ARHGAP10: variants seen among roughly 807,000 people sequenced by gnomAD.
ARHGAP10 encodes the protein rho GTPase-activating protein 10.
In ARHGAP10, 87 loss-of-function variants were observed where a neutral mutation model predicts 108.6. The observed-to-expected ratio is 0.80, with a 90% CI of 0.67 to 0.96. The LOEUF is 0.96. Ranked by LOEUF, ARHGAP10 falls within the 40% of genes least tolerant of loss-of-function variation. The probability of loss-of-function intolerance (pLI) is 0.00; values close to 1 mark genes in which losing one functional copy is unlikely to be tolerated. For missense variants in ARHGAP10, 939 were observed against 954.5 expected (o/e 0.98, Z 0.21); for synonymous variants, 347 against 341.1 (o/e 1.02, Z -0.19).
intron 13 of ARHGAP10, among the ~76,000 whole-genome samples, chr4:147,934,763 G>A (rs1477196426): frequency 6.6e-6 from 1 of 152,188 alleles, no homozygotes; most frequent in Non-Finnish European, 1.5e-5. Context: ...GATCCAAGGA[G>A]GTCAAGGCTG....
At chr4:147,755,312 G>T (rs375947018) in intron 1 of ARHGAP10, among the ~76,000 whole-genome samples, 1 of 152,018 alleles carries the variant, frequency 6.6e-6, no homozygotes, top group African/African-American at 2.4e-5. Context: ...CAGTCTGGGC[G>T]TTCTGTGTTC....
intron 19 of ARHGAP10, among the ~76,000 whole-genome samples, chr4:148,030,871 GAAAA>G (rs58943146): frequency 6.9e-6 from 1 of 144,722 alleles, no homozygotes; most frequent in South Asian, 2.2e-4. Flanking sequence ...AGAAAAAAAA[GAAAA>G]AAAAAAACCA....
At chr4:147,890,362 T>G (rs1579165334) in intron 10 of ARHGAP10, among the ~76,000 whole-genome samples, 1 of 152,344 alleles carries the variant, frequency 6.6e-6, no homozygotes, top group Non-Finnish European at 1.5e-5. Context: ...AGGGTTACTT[T>G]GAATTTTTCT....
intron 3 of ARHGAP10, among the ~76,000 whole-genome samples, chr4:147,829,944 A>G (rs964514269): frequency 2.0e-5 from 3 of 152,190 alleles, no homozygotes; most frequent in African/African-American, 4.8e-5. Flanking sequence ...CGGGAGTGCC[A>G]GGAGAGAGAA....
chr4:147,818,427 G>A (rs1311443039), intron 1 of ARHGAP10, among the ~76,000 whole-genome samples: 1 of 152,026 alleles, frequency 6.6e-6, no homozygotes, highest in African/African-American at 2.4e-5. Flanking sequence ...TTAGCTGGGG[G>A]TGATGGCATA....
rs138356839 is a variant in ARHGAP10 at position 147,918,724 on chromosome 4, A to C, written c.1228+5585A>C. Among the ~76,000 whole-genome samples the C allele has an allele frequency of 5.1e-3, 770 of 152,310 alleles. 4 individuals carry two copies. Among genetic ancestry groups the C allele is most frequent in the African/African-American group, 0.018 (734 of 41,568 alleles). On this transcript the variant is annotated intron_variant, in intron 13 of 22. Coordinates refer to ENST00000336498, the MANE Select transcript of ARHGAP10 (RefSeq NM_024605.4). ...GCCAGTTGGGGAAATTTAATTCACT[A>C]TCACTGGGAGTAGCCCAAGCTATGA... is the stretch of plus-strand genomic sequence containing the variant.
intron 3 of ARHGAP10, among the ~76,000 whole-genome samples, chr4:147,831,420 A>C (rs1052103577): frequency 6.6e-6 from 1 of 152,264 alleles, no homozygotes; most frequent in Non-Finnish European, 1.5e-5. Context: ...ATTAGATGCC[A>C]TTAAAAAGAT....
At chr4:148,021,047 A>G (rs1741549051) in intron 18 of ARHGAP10, among the ~76,000 whole-genome samples, 1 of 152,180 alleles carries the variant, frequency 6.6e-6, no homozygotes, top group Non-Finnish European at 1.5e-5. Context: ...TAAGATGTAA[A>G]CCAAAGAAAA....
chr4:147,765,030 G>T (rs1244191162), intron 1 of ARHGAP10, among the ~76,000 whole-genome samples: 3 of 152,102 alleles, frequency 2.0e-5, no homozygotes, highest in Non-Finnish European at 4.4e-5. Context: ...TAGGGCTTTT[G>T]GATACTCTGA....
intron 5 of ARHGAP10, chr4:147,863,882 T>C (rs556171944): frequency 6.6e-6 from 1 of 152,330 alleles, no homozygotes; most frequent in African/African-American, 2.4e-5. Flanking sequence ...GGGTTTCAGT[T>C]TCTTGACATC....
chr4:147,875,266 C>T, intron 8 of ARHGAP10, 116 bp downstream of exon 8: 1 of 1,169,166 alleles, frequency 8.6e-7, no homozygotes. Flanking sequence ...CTCTTTCTCT[C>T]CCTGCTCCTA....
chr4:147,856,947 G>A (rs369120033), intron 4 of ARHGAP10, among the ~76,000 whole-genome samples: 1 of 152,144 alleles, frequency 6.6e-6, no homozygotes, highest in Non-Finnish European at 1.5e-5. Context: ...CCGCCTCTGG[G>A]GTTCAAGTGA....
chr4:148,002,918 A>G (rs111758119), intron 18 of ARHGAP10, among the ~76,000 whole-genome samples: 21,299 of 151,828 alleles, frequency 0.14, 2,351 homozygotes, highest in African/African-American at 0.31. Flanking sequence ...ATCTCCTTCA[A>G]TTCTGCTCTG....
chr4:147,765,982 C>T (rs1275409211), intron 1 of ARHGAP10, among the ~76,000 whole-genome samples: 2 of 151,984 alleles, frequency 1.3e-5, no homozygotes, highest in Admixed American at 6.6e-5. Flanking sequence ...CTCTCAAGTC[C>T]CTTATGAAAT....
intron 18 of ARHGAP10, among the ~76,000 whole-genome samples, chr4:147,975,512 A>G (rs1739559577): frequency 6.6e-6 from 1 of 152,224 alleles, no homozygotes; most frequent in Non-Finnish European, 1.5e-5. Flanking sequence ...GGAAAGCCCA[A>G]GGTTGATGAG....
chr4:147,931,516 A>G (rs1296531212), intron 13 of ARHGAP10, among the ~76,000 whole-genome samples: 1 of 152,196 alleles, frequency 6.6e-6, no homozygotes. Flanking sequence ...GTTCTATATC[A>G]AATTCAAGTC....
chr4:147,935,237 T>A (rs1489362459), intron 13 of ARHGAP10, among the ~76,000 whole-genome samples: 1 of 152,186 alleles, frequency 6.6e-6, no homozygotes, highest in Non-Finnish European at 1.5e-5. Flanking sequence ...TGCGTGTGTG[T>A]GCCTTACATA....
chr4:148,042,454 C>T (rs1293030562), intron 19 of ARHGAP10, among the ~76,000 whole-genome samples: 2 of 152,218 alleles, frequency 1.3e-5, no homozygotes, highest in Non-Finnish European at 2.9e-5. Context: ...CCAACAACTA[C>T]TGTGGCTCTG....
At chr4:147,927,417 A>G (rs1737504999) in intron 13 of ARHGAP10, among the ~76,000 whole-genome samples, 1 of 152,326 alleles carries the variant, frequency 6.6e-6, no homozygotes, top group South Asian at 2.1e-4. Context: ...AGGTCTCTTC[A>G]TAGCAGGCAA....
Sources: allele counts gnomAD v4.1 joint callset (sites outside exome capture counted in the v4.1 genomes callset), GRCh38; gene constraint gnomAD v4.1.1; transcripts MANE v1.5; gene names NCBI Gene and HGNC (gene_info 2026-07-23, HGNC 2026-07-21).